PCDH15: variants seen among roughly 807,000 people sequenced by gnomAD.
The protein encoded by PCDH15 is protocadherin-15.
A neutral mutation model predicts 178.5 loss-of-function variants in PCDH15; 129 were observed. The observed-to-expected ratio is 0.72, with a 90% CI of 0.63 to 0.84. The LOEUF (loss-of-function observed/expected upper bound fraction) is 0.84. Ranked by LOEUF, PCDH15 falls within the 40% of genes least tolerant of loss-of-function variation. PCDH15 has a pLI of 0.00. For synonymous variants in PCDH15, 800 were observed against 732.0 expected, an observed-to-expected ratio of 1.09 and a Z score of -1.50; for missense variants, 2,230 against 2,099.9, an observed-to-expected ratio of 1.06 and a Z score of -1.21.
intron 1 of PCDH15, among the ~76,000 whole-genome samples, chr10:54,680,512 A>C (rs2094879896): frequency 6.6e-6 from 1 of 152,096 alleles, no homozygotes; most frequent in South Asian, 2.1e-4. Context: ...GGTTGTGTTA[A>C]TGCTTGAAGA....
chr10:54,419,289 C>G (rs1315034852), intron 3 of PCDH15, among the ~76,000 whole-genome samples: 1 of 151,278 alleles, frequency 6.6e-6, no homozygotes, highest in Non-Finnish European at 1.5e-5. Context: ...CAACTCAAAT[C>G]CAACTCCAAT....
At chr10:55,066,196 T>C (rs889148061) in intron 2 of PCDH15, among the ~76,000 whole-genome samples, 1 of 150,546 alleles carries the variant, frequency 6.6e-6, no homozygotes, top group East Asian at 1.9e-4. Context: ...CTCTTATTTC[T>C]CCCTTAATAT....
intron 2 of PCDH15, chr10:54,654,803 A>G (rs1289900379): frequency 2.6e-5 from 4 of 152,326 alleles, no homozygotes; most frequent in South Asian, 2.1e-4. Flanking sequence ...AAATTTTCAG[A>G]TTATTAGAAC....
chr10:54,380,645 A>G (rs1392268461), intron 3 of PCDH15, among the ~76,000 whole-genome samples: 3 of 77,196 alleles, frequency 3.9e-5, no homozygotes, highest in East Asian at 3.4e-4. Flanking sequence ...GTATGCATGT[A>G]TATATATATA....
intron 3 of PCDH15, among the ~76,000 whole-genome samples, chr10:54,855,494 T>C (rs1344081600): frequency 6.6e-6 from 1 of 152,178 alleles, no homozygotes; most frequent in Admixed American, 6.5e-5. Flanking sequence ...TTTCATAGCA[T>C]CCTGCATCAA....
At chr10:55,349,694 A>G (rs1844859191) in intron 2 of PCDH15, among the ~76,000 whole-genome samples, 1 of 152,146 alleles carries the variant, frequency 6.6e-6, no homozygotes, top group African/African-American at 2.4e-5. Context: ...TCAAATGCTC[A>G]AAGAATCTTA....
At chr10:54,595,546 CT>C (rs1487538258) in intron 2 of PCDH15, among the ~76,000 whole-genome samples, 1 of 152,212 alleles carries the variant, frequency 6.6e-6, no homozygotes, top group Admixed American at 6.5e-5. Flanking sequence ...AGAGTGCCTT[CT>C]TTCCTCCAAA....
At chr10:54,521,895 C>T (rs927162343) in intron 3 of PCDH15, among the ~76,000 whole-genome samples, 4 of 152,042 alleles carry the variant, frequency 2.6e-5, no homozygotes, top group Admixed American at 2.0e-4. Flanking sequence ...CGAGACCACC[C>T]TGGCTAACAC....
chr10:53,949,219 A>C (rs2134161153), intron 23 of PCDH15, among the ~76,000 whole-genome samples: 1 of 152,310 alleles, frequency 6.6e-6, no homozygotes, highest in East Asian at 1.9e-4. Context: ...TCATTTTGTC[A>C]ATAGTTAAAT....
chr10:54,829,198 G>A (rs1953181827), intron 3 of PCDH15, among the ~76,000 whole-genome samples: 1 of 152,108 alleles, frequency 6.6e-6, no homozygotes, highest in Middle Eastern at 3.4e-3. Flanking sequence ...CTTCTGTAGT[G>A]AAGAGAAGTC....
At chr10:54,282,423 A>G (rs988746876) in intron 8 of PCDH15, among the ~76,000 whole-genome samples, 2 of 152,120 alleles carry the variant, frequency 1.3e-5, no homozygotes, top group Non-Finnish European at 1.5e-5. Context: ...TCAAAATTTT[A>G]GAGATGAATT....
intron 2 of PCDH15, among the ~76,000 whole-genome samples, chr10:55,138,487 A>G (rs1200752321): frequency 6.6e-6 from 1 of 151,616 alleles, no homozygotes; most frequent in Non-Finnish European, 1.5e-5. Flanking sequence ...CTTGTAGGGA[A>G]CTCTGCGTTT....
chr10:54,278,484 G>T (rs1352765747), intron 8 of PCDH15, among the ~76,000 whole-genome samples: 2 of 151,554 alleles, frequency 1.3e-5, no homozygotes, highest in African/African-American at 2.4e-5. Context: ...TTAGGATACA[G>T]AAATGGGTAA....
At position 54,086,358 on chromosome 10, in the gene PCDH15, C is replaced by T. The variant is rs559227460; in HGVS notation, c.1997+3626G>A. On this transcript the variant is annotated intron_variant, in intron 16 of 37. Transcript: ENST00000644397. ...CCTCTGGTAACAAGCCATTCATAAGCGGTCTGCCTCCATGACCCAAACAAA... is the reference window on the plus strand; with the variant it reads ...CCTCTGGTAACAAGCCATTCATAAGTGGTCTGCCTCCATGACCCAAACAAA... 1.2e-4 allele frequency among the ~76,000 whole-genome samples: 18 copies of T among 152,260 alleles called. No homozygotes were observed. The South Asian group carries it at 2.7e-3, about 23-fold the overall frequency.
intron 2 of PCDH15, among the ~76,000 whole-genome samples, chr10:55,392,601 G>C (rs888712169): frequency 1.3e-5 from 2 of 152,020 alleles, no homozygotes; most frequent in African/African-American, 4.8e-5. Context: ...AAAATAAAAT[G>C]ATCAAAGAAA....
At chr10:54,951,076 C>A (rs1838325846) in intron 2 of PCDH15, among the ~76,000 whole-genome samples, 2 of 151,686 alleles carry the variant, frequency 1.3e-5, no homozygotes, top group Non-Finnish European at 2.9e-5. Context: ...ACTTATTAAC[C>A]AAAATTTGTA....
In PCDH15 at chr10:54,334,682, A is replaced by AACACACACACACACAC. The variant is rs3069761; in HGVS notation, c.595-4992_595-4977dup. On this transcript the variant is annotated intron_variant, in intron 6 of 37. Transcript: ENST00000644397. ...GTTCAAAAGAAGATAATTTCTAAAGAACACACACACACACACACACACACA... is the reference window on the plus strand; with the variant it reads ...GTTCAAAAGAAGATAATTTCTAAAGAACACACACACACACACACACACACACACACACACACACACA... Among the ~76,000 whole-genome samples, 3 of 150,160 alleles carry AACACACACACACACAC rather than the reference A, an allele frequency of 2.0e-5. No individual in the cohort carries two copies. In the South Asian group the frequency reaches 6.4e-4, roughly 32 times the overall value.
chr10:54,061,436 T>C (rs558397304), intron 18 of PCDH15, among the ~76,000 whole-genome samples: 75 of 152,058 alleles, frequency 4.9e-4, no homozygotes, highest in African/African-American at 1.8e-3. Context: ...TCTTCCATTA[T>C]TGTCAGAATA....
intron 32 of PCDH15, chr10:53,823,834 CCAT>C: frequency 2.2e-6 from 1 of 455,824 alleles, no homozygotes; most frequent in South Asian, 1.6e-5. Context: ...CCTCTCTGAG[CCAT>C]CATGTGGAAT....
Sources: gnomAD v4.1 joint callset for allele counts (sites outside exome capture counted in the v4.1 genomes callset) on GRCh38, gnomAD v4.1.1 for gene constraint, MANE v1.5 for transcripts, NCBI Gene and HGNC (gene_info 2026-07-23, HGNC 2026-07-21) for gene names.